SDK1: variants seen among roughly 807,000 people sequenced by gnomAD.
SDK1 encodes protein sidekick-1.
SDK1 carries 157 observed loss-of-function variants against 245.5 expected under a neutral mutation model. The ratio of observed to expected loss-of-function variants is 0.64; its 90% CI spans 0.56 to 0.73. SDK1 has a LOEUF of 0.73. Among genes scored for constraint, SDK1 ranks in the 30% least tolerant of loss-of-function variants. The probability of loss-of-function intolerance (pLI) is 0.00; values close to 1 mark genes in which losing one functional copy is unlikely to be tolerated. For synonymous variants in SDK1, 1,647 were observed against 1,278.5 expected (o/e 1.29, Z -6.15); for missense variants, 3,583 against 3,002.3 (o/e 1.19, Z -4.52).
At chr7:3,567,358 G>T (rs1779956284) in intron 1 of SDK1, among the ~76,000 whole-genome samples, 1 of 152,204 alleles carries the variant, frequency 6.6e-6, no homozygotes, top group African/African-American at 2.4e-5. Flanking sequence ...TGCCTAGTCA[G>T]TAGCAGCTAT....
chr7:3,480,994 G>C (rs1264584503), intron 1 of SDK1, among the ~76,000 whole-genome samples: 4 of 152,116 alleles, frequency 2.6e-5, no homozygotes, highest in Admixed American at 1.3e-4. Context: ...TGTGCATTAT[G>C]TATATAGATT....
chr7:3,502,277 C>A (rs933253072), intron 1 of SDK1, among the ~76,000 whole-genome samples: 1 of 151,610 alleles, frequency 6.6e-6, no homozygotes, highest in Non-Finnish European at 1.5e-5. Flanking sequence ...TGCTTAAAGT[C>A]TTGCTCTTGG....
chr7:3,516,722 C>T (rs527513969), intron 1 of SDK1, among the ~76,000 whole-genome samples: 5 of 152,170 alleles, frequency 3.3e-5, no homozygotes, highest in African/African-American at 1.2e-4. Flanking sequence ...TCATGGAAGT[C>T]TGATGTGAAG....
intron 18 of SDK1, among the ~76,000 whole-genome samples, chr7:4,050,002 G>C (rs934022576): frequency 6.6e-6 from 1 of 152,178 alleles, no homozygotes; most frequent in African/African-American, 2.4e-5. Flanking sequence ...AGCTACCAGA[G>C]TGTGTTAACT....
At chr7:3,360,330 G>C (rs1007439907) in intron 1 of SDK1, among the ~76,000 whole-genome samples, 1 of 152,152 alleles carries the variant, frequency 6.6e-6, no homozygotes, top group African/African-American at 2.4e-5. Context: ...CTAGATTTTA[G>C]GAACTACTGG....
intron 38 of SDK1, among the ~76,000 whole-genome samples, chr7:4,211,424 A>T (rs1449027951): frequency 6.6e-6 from 1 of 151,604 alleles, no homozygotes; most frequent in Non-Finnish European, 1.5e-5. Context: ...CGAGAAGGGG[A>T]AGGGTGCGGG....
At chr7:3,957,160 TGTGAGGG>T (rs2128127727) in intron 7 of SDK1, among the ~76,000 whole-genome samples, 1 of 152,222 alleles carries the variant, frequency 6.6e-6, no homozygotes, top group African/African-American at 2.4e-5. Flanking sequence ...GATTAGTGGT[TGTGAGGG>T]GTGGGGGTTT....
chr7:3,487,754 C>CA (rs764105126), intron 1 of SDK1, among the ~76,000 whole-genome samples: 14,737 of 64,822 alleles, frequency 0.23, 1,832 homozygotes, highest in East Asian at 0.4. Flanking sequence ...GACCCCATCT[C>CA]AAAAAAAAAA....
intron 35 of SDK1, among the ~76,000 whole-genome samples, chr7:4,183,820 G>C (rs1225926467): frequency 1.3e-5 from 2 of 152,160 alleles, no homozygotes; most frequent in Non-Finnish European, 2.9e-5. Flanking sequence ...AAACTAAAAA[G>C]TAAATTCCTA....
intron 1 of SDK1, among the ~76,000 whole-genome samples, chr7:3,465,702 A>G (rs777855033): frequency 6.6e-6 from 1 of 152,170 alleles, no homozygotes; most frequent in African/African-American, 2.4e-5. Flanking sequence ...GTATATGATC[A>G]TTCAGGCGCG....
At chr7:4,070,010 T>G (rs532980048) in intron 20 of SDK1, among the ~76,000 whole-genome samples, 26 of 152,254 alleles carry the variant, frequency 1.7e-4, no homozygotes, top group African/African-American at 6.0e-4. Context: ...CCATCCACAG[T>G]CCTCTTAGCA....
At chr7:3,678,140 G>T (rs1783968053) in intron 4 of SDK1, among the ~76,000 whole-genome samples, 1 of 152,162 alleles carries the variant, frequency 6.6e-6, no homozygotes, top group Non-Finnish European at 1.5e-5. Flanking sequence ...AACAAGTGTT[G>T]GTGAGGATGT....
chr7:3,452,176 G>A (rs940663100), intron 1 of SDK1, among the ~76,000 whole-genome samples: 15 of 152,142 alleles, frequency 9.9e-5, no homozygotes, highest in Admixed American at 5.2e-4. Flanking sequence ...GGCTTTTGTC[G>A]TGTCAGCTTT....
intron 13 of SDK1, among the ~76,000 whole-genome samples, chr7:3,985,921 T>C (rs1193151154): frequency 6.6e-6 from 1 of 152,182 alleles, no homozygotes; most frequent in Non-Finnish European, 1.5e-5. Context: ...CTGACCTGTG[T>C]GGGTCAGCAG....
intron 1 of SDK1, among the ~76,000 whole-genome samples, chr7:3,370,082 C>G (rs1032373738): frequency 6.6e-6 from 1 of 152,170 alleles, no homozygotes; most frequent in African/African-American, 2.4e-5. Context: ...GTATGAACAT[C>G]GGCCTAAGTT....
rs536507349 is a variant in SDK1, at chr7:4,147,635, A to G, written c.4424-1627A>G. Among the ~76,000 whole-genome samples the G allele has an allele frequency of 3.3e-5, 5 of 152,162 alleles. 1 individual carries two copies. Among genetic ancestry groups the G allele is most frequent in the African/African-American group, 1.2e-4 (5 of 41,510 alleles). On this transcript the variant is annotated intron_variant, in intron 29 of 44. Transcript: ENST00000404826. Reference sequence around the variant, plus strand: ...TACCACTATCATTATTATTGTTATTAGCTGGAGGGACGGAAGCCCTCAGTC... The same window carrying G: ...TACCACTATCATTATTATTGTTATTGGCTGGAGGGACGGAAGCCCTCAGTC...
intron 4 of SDK1, among the ~76,000 whole-genome samples, chr7:3,790,885 C>A (rs1220799070): frequency 6.6e-6 from 1 of 152,068 alleles, no homozygotes. Flanking sequence ...GGGGAATATT[C>A]ATTTTGGGGG....
At position 3,777,227 on chromosome 7, in the gene SDK1, C is replaced by T. The variant is rs540334946; in HGVS notation, c.714-44223C>T. 3.9e-5 allele frequency among the ~76,000 whole-genome samples: 6 copies of T among 152,274 alleles called. No individual in the cohort carries two copies. The South Asian group carries it at 8.3e-4, about 21-fold the overall frequency. On this transcript the variant is annotated intron_variant, in intron 4 of 44. Coordinates refer to ENST00000404826, the MANE Select transcript of SDK1 (RefSeq NM_152744.4). ...GCTCTAACTGCAGACCTGTGCAGAACGCGAGTTTGATCTTCAAGTGACTTT... is the reference window on the plus strand; with the variant it reads ...GCTCTAACTGCAGACCTGTGCAGAATGCGAGTTTGATCTTCAAGTGACTTT...
intron 1 of SDK1, among the ~76,000 whole-genome samples, chr7:3,546,208 T>G (rs1440622251): frequency 6.6e-6 from 1 of 152,084 alleles, no homozygotes; most frequent in Non-Finnish European, 1.5e-5. Flanking sequence ...TCCCTGAGGA[T>G]GATGACACCG....
Sources: allele counts gnomAD v4.1 joint callset (sites outside exome capture counted in the v4.1 genomes callset), GRCh38; gene constraint gnomAD v4.1.1; transcripts MANE v1.5; gene names NCBI Gene and HGNC (gene_info 2026-07-23, HGNC 2026-07-21).